ZSCAN25: variants seen among roughly 807,000 people sequenced by gnomAD.
ZSCAN25 encodes zinc finger and SCAN domain containing 25, also known as zinc finger and SCAN domain-containing protein 25.
In ZSCAN25, 27 loss-of-function variants were observed where a neutral mutation model predicts 38.7. The observed-to-expected ratio is 0.70, with a 90% confidence interval of 0.51 to 0.96. The LOEUF (loss-of-function observed/expected upper bound fraction) is 0.96. ZSCAN25 is among the 40% of genes least tolerant of loss of function. The pLI, the probability that ZSCAN25 is intolerant of heterozygous loss-of-function variation, is 0.00. For missense variants in ZSCAN25, 637 were observed against 705.9 expected, an observed-to-expected ratio of 0.90 and a Z score of 1.11; for synonymous variants, 273 against 277.7, an observed-to-expected ratio of 0.98 and a Z score of 0.17.
intron 7 of ZSCAN25, among the ~76,000 whole-genome samples, chr7:99,627,777 A>G (rs1174405708): frequency 6.6e-6 from 1 of 151,778 alleles, no homozygotes. Context: ...TATATCTCGT[A>G]TATGCTGTAT....
chr7:99,660,187 C>T, the ZSCAN25 span: 1 of 981,234 alleles, frequency 1.0e-6, no homozygotes, highest in Admixed American at 6.2e-5. Context: ...GGAGCTGTTC[C>T]TGTTTGGCCA....
chr7:99,676,408 A>G, the ZSCAN25 span: 17 of 1,503,196 alleles, frequency 1.1e-5, 1 homozygote, highest in African/African-American at 4.1e-5. Flanking sequence ...AAAAGTCTCA[A>G]TGATTAGCTG....
the ZSCAN25 span, among the ~76,000 whole-genome samples, chr7:99,704,457 A>G: frequency 9.0e-4 from 136 of 151,926 alleles, no homozygotes; most frequent in East Asian, 0.018. Context: ...TACCTAGCTA[A>G]TTTTTGTATT....
chr7:99,624,862 G>A (rs1807333593), intron 7 of ZSCAN25, among the ~76,000 whole-genome samples: 1 of 152,232 alleles, frequency 6.6e-6, no homozygotes, highest in South Asian at 2.1e-4. Context: ...CCAGGGCAAG[G>A]GACAGTATGG....
chr7:99,710,669 G>A, the ZSCAN25 span: 1 of 1,612,430 alleles, frequency 6.2e-7, no homozygotes, highest in Non-Finnish European at 8.5e-7. Flanking sequence ...CTGGGAAGTG[G>A]TGAGGAAGCA....
the ZSCAN25 span, among the ~76,000 whole-genome samples, chr7:99,641,378 A>G: frequency 1.3e-5 from 2 of 152,162 alleles, no homozygotes; most frequent in African/African-American, 4.8e-5. Flanking sequence ...AACCACCCCC[A>G]TGATTCAATT....
At chr7:99,652,361 C>T in the ZSCAN25 span, 1 of 468,058 alleles carries the variant, frequency 2.1e-6, no homozygotes, top group Non-Finnish European at 3.8e-6. Flanking sequence ...TGTGCTGGGA[C>T]TGTGGATGGA....
downstream of ZSCAN25, among the ~76,000 whole-genome samples, chr7:99,633,142 T>C (rs1045768425): frequency 6.6e-6 from 1 of 152,124 alleles, no homozygotes; most frequent in Non-Finnish European, 1.5e-5. Flanking sequence ...TGTGCCACCA[T>C]GCCCAGCTAA....
chr7:99,643,165 A>G, the ZSCAN25 span, among the ~76,000 whole-genome samples: 2 of 152,188 alleles, frequency 1.3e-5, no homozygotes, highest in Non-Finnish European at 1.5e-5. Flanking sequence ...CAAGTCTGTA[A>G]GAGTGACTAA....
At chr7:99,627,392 AAC>A (rs1584362922) in intron 7 of ZSCAN25, among the ~76,000 whole-genome samples, 1 of 152,328 alleles carries the variant, frequency 6.6e-6, no homozygotes, top group East Asian at 1.9e-4. Flanking sequence ...CCAAATGAAC[AAC>A]AGTCAAATTA....
chr7:99,652,802 G>T, the ZSCAN25 span: 2 of 1,586,334 alleles, frequency 1.3e-6, no homozygotes, highest in South Asian at 1.1e-5. Context: ...AAACAGAATT[G>T]GATAATCTGA....
the ZSCAN25 span, among the ~76,000 whole-genome samples, chr7:99,670,596 A>G: frequency 6.6e-6 from 1 of 152,234 alleles, no homozygotes; most frequent in African/African-American, 2.4e-5. Flanking sequence ...CTAGAGCTGC[A>G]ATCTGATGTT....
rs1807970532 is a variant in ZSCAN25 at position 99,631,146 on chromosome 7, T to A, written c.*1126T>A. On this transcript the variant is annotated 3_prime_UTR_variant, in exon 8 of 8. Coordinates refer to ENST00000394152, the MANE Select transcript of ZSCAN25 (RefSeq NM_145115.3). The stretch of plus-strand genomic sequence containing the variant: ...CAGAACCCGTGGATATTCCTGCAAA[T>A]CCTCTGGGCCTGTATTCATTGCTTT... The A allele has an allele frequency of 1.0e-6, 1 of 985,312 alleles. No homozygotes were observed. The highest frequency in any genetic ancestry group is 1.2e-6 in the Non-Finnish European group (1 of 829,946). The allele number at this position is 985,312 out of a possible 1,614,324, so 61.0% of individuals were successfully genotyped here.
downstream of ZSCAN25, among the ~76,000 whole-genome samples, chr7:99,636,217 A>G (rs1808278443): frequency 6.6e-6 from 1 of 152,178 alleles, no homozygotes; most frequent in South Asian, 2.1e-4. Context: ...ACTAAGGATT[A>G]CATTTATGGT....
chr7:99,663,821 C>G, the ZSCAN25 span: 2 of 1,352,480 alleles, frequency 1.5e-6, no homozygotes, highest in East Asian at 5.8e-5. Context: ...CAATCTCCTT[C>G]TTTATTTCTA....
Position 99,621,453 on chromosome 7 carries a change from A to G in ZSCAN25, c.468A>G (p.Pro156=). 6.4e-7 allele frequency: 1 copy of G among 1,563,820 alleles called. No homozygotes were observed. The highest frequency in any genetic ancestry group is 1.2e-5 in the South Asian group (1 of 84,396). The change falls in exon 5 of 8, where the codon CCA becomes CCG. Residue 156 remains proline (P), a synonymous_variant. Transcript: ENST00000394152. ...GGGAGCCAGGCATCCAGCTGGGGCC[A>G]GTGGAGGTCAAGCCTGAATGGGGGA... ...GAWEPGIQLG[P]VEVKPEWGMP... is the part of the protein sequence containing the mutation.
At chr7:99,632,438 T>A, downstream of ZSCAN25, 1 of 252,644 alleles carries the variant, frequency 4.0e-6, no homozygotes, top group Middle Eastern at 2.0e-3. Flanking sequence ...TTCCTCCCCG[T>A]CTTCCTCCCC....
the ZSCAN25 span, among the ~76,000 whole-genome samples, chr7:99,675,568 C>T: frequency 6.7e-6 from 1 of 149,214 alleles, no homozygotes; most frequent in Admixed American, 6.7e-5. Flanking sequence ...GTAAACCTGG[C>T]CATGCTTTGG....
At chr7:99,689,712 G>C in the ZSCAN25 span, among the ~76,000 whole-genome samples, 67 of 152,228 alleles carry the variant, frequency 4.4e-4, no homozygotes, top group African/African-American at 1.4e-3. Flanking sequence ...GCTTCAAAGA[G>C]AATAAAATAC....
Sources: gnomAD v4.1 joint callset for allele counts (sites outside exome capture counted in the v4.1 genomes callset) on GRCh38, gnomAD v4.1.1 for gene constraint, MANE v1.5 for transcripts, NCBI Gene and HGNC (gene_info 2026-07-23, HGNC 2026-07-21) for gene names.